COL5A3: variants seen among roughly 807,000 people sequenced by gnomAD.
The protein encoded by COL5A3 is collagen type V alpha 3 chain, also known as collagen alpha-3(V) chain.
A neutral mutation model predicts 250.0 loss-of-function variants in COL5A3; 172 were observed. The ratio of observed to expected loss-of-function variants is 0.69; its 90% CI spans 0.61 to 0.78. COL5A3 has a LOEUF of 0.78. Among genes scored for constraint, COL5A3 ranks in the 30% least tolerant of loss-of-function variants. COL5A3 has a pLI of 0.00. For synonymous variants in COL5A3, 937 were observed against 900.4 expected (o/e 1.04, Z -0.73); for missense variants, 2,340 against 2,334.4 (o/e 1.00, Z -0.05).
chr19:9,971,354 C>G lies in COL5A3; in HGVS notation c.3775-96G>C, dbSNP rs920701197. 3.2e-5 allele frequency: 30 copies of G among 942,206 alleles called. No individual in the cohort carries two copies. In the African/African-American group the frequency reaches 4.0e-4, roughly 12 times the overall value. 58.4% of individuals were successfully genotyped at this position (942,206 alleles called of 1,614,324 possible). ...ACTGTATCCAGGAACAGTTTGGTTT[C>G]TGGGGACACATTAGTGAACAAAACA... On this transcript the variant is annotated intron_variant, in intron 51 of 66. Transcript: ENST00000264828.
chr19:9,960,592 G>C, intron 66 of COL5A3, 35 bp from the exon 67 acceptor site: 1 of 1,613,650 alleles, frequency 6.2e-7, no homozygotes, highest in Non-Finnish European at 8.5e-7. Context: ...GTGAGTTACC[G>C]GGAAGGTGGC....
chr19:9,977,237 C>CT lies in COL5A3; in HGVS notation c.3279dup (p.Gly1094ArgfsTer42), dbSNP rs2086934964. 1 of 1,614,104 alleles carries CT rather than the reference C, an allele frequency of 6.2e-7. No individual in the cohort carries two copies. The highest frequency in any genetic ancestry group is 8.5e-7 in the Non-Finnish European group (1 of 1,180,002). ...TGGGGACCTTCACTCACCGCGTCTC[C>CT]TTTATCGCCTTTACTCCCCTTGTGT... On this transcript the variant is annotated frameshift_variant, in exon 44 of 67. Coordinates refer to ENST00000264828, the MANE Select transcript of COL5A3 (RefSeq NM_015719.4). LOFTEE classifies it high-confidence loss of function.
intron 44 of COL5A3, 75 bp downstream of exon 44, chr19:9,977,154 A>G: frequency 7.0e-7 from 1 of 1,422,010 alleles, no homozygotes; most frequent in Admixed American, 1.7e-5. Flanking sequence ...CCCATGGAGA[A>G]TGATCTCTAC....
intron 37 of COL5A3, 85 bp downstream of exon 37, chr19:9,979,754 C>G (rs1382723629): frequency 7.5e-7 from 1 of 1,329,464 alleles, no homozygotes; most frequent in African/African-American, 1.5e-5. Context: ...CCACTGCACT[C>G]TAGCCCAGGT....
At chr19:9,960,921 G>T in intron 65 of COL5A3, 31 bp from the exon 66 acceptor site, 1 of 1,597,678 alleles carries the variant, frequency 6.3e-7, no homozygotes, top group South Asian at 1.1e-5. Flanking sequence ...CAGAGGATGA[G>T]GGGCTCCATG....
At chr19:9,977,985 T>TATATATATATATATATATATATATA (rs2086949247) in intron 41 of COL5A3, among the ~76,000 whole-genome samples, 1 of 131,908 alleles carries the variant, frequency 7.6e-6, no homozygotes, top group Non-Finnish European at 1.7e-5. Flanking sequence ...TATATATATA[T>TATATATATATATATATATATATATA]TTGTAGAGAC....
rs780810469 is a variant in COL5A3 at position 9,966,435 on chromosome 19, G to A, written c.4670-9C>T. On this transcript the variant is annotated splice_polypyrimidine_tract_variant and intron_variant, in intron 63 of 66. Transcript: ENST00000264828. ...GTCAATCCAGTATTCCCCTGCCGCA[G>A]AGCCAGGCAGGGTGGGTGAGTCCGG... 5 of 1,587,752 alleles carry A rather than the reference G, an allele frequency of 3.1e-6. No individual in the cohort carries two copies. The highest frequency in any genetic ancestry group is 4.5e-5 in the East Asian group (2 of 44,468).
intron 40 of COL5A3, 38 bp downstream of exon 40, chr19:9,978,853 T>A: frequency 7.7e-7 from 1 of 1,296,080 alleles, no homozygotes; most frequent in Non-Finnish European, 1.0e-6. Flanking sequence ...CCTTTCCTTC[T>A]CTAAGGGACA....
In COL5A3 at chr19:9,993,027, T is replaced by C. The variant is rs768249143; in HGVS notation, c.1790A>G (p.Glu597Gly). Residue 597 changes from glutamate to glycine, a missense_variant, in exon 20 of 67, where the codon GAG becomes GGG. Coordinates refer to ENST00000264828, the MANE Select transcript of COL5A3 (RefSeq NM_015719.4). ...CCAGGGATCCCTGATACTCACCGGCTCCCCAGCCTGGCCAGTGGGCCCTGG... is the reference window on the plus strand; with the variant it reads ...CCAGGGATCCCTGATACTCACCGGCCCCCCAGCCTGGCCAGTGGGCCCTGG... ...GPPGPTGQAG[E>G]PGPRGLLGPR... 3.7e-6 allele frequency: 6 copies of C among 1,613,452 alleles called. No homozygotes were observed. In the African/African-American group the frequency reaches 6.7e-5, roughly 18 times the overall value.
intron 64 of COL5A3, among the ~76,000 whole-genome samples, chr19:9,965,937 G>A (rs1337859257): frequency 6.6e-6 from 1 of 151,936 alleles, no homozygotes; most frequent in Non-Finnish European, 1.5e-5. Flanking sequence ...GGGCTCAAAG[G>A]ATCCTCCCGC....
intron 16 of COL5A3, among the ~76,000 whole-genome samples, chr19:9,994,559 CATATATAT>C (rs57642882): frequency 0.011 from 808 of 70,560 alleles, 9 homozygotes; most frequent in South Asian, 0.035. Flanking sequence ...ATATGTTTTA[CATATATAT>C]ATATATATAT....
chr19:9,969,986 G>T (rs1028408777), intron 54 of COL5A3, 64 bp from the exon 55 acceptor site: 3 of 1,376,094 alleles, frequency 2.2e-6, no homozygotes, highest in Non-Finnish European at 3.1e-6. Context: ...GGTGAGTGGG[G>T]TCTGGGTGAC....
chr19:9,997,016 G>A, intron 11 of COL5A3: 2 of 519,140 alleles, frequency 3.9e-6, no homozygotes, highest in Non-Finnish European at 6.8e-6. Context: ...AGACAGAGAT[G>A]GAGAAATAGA....
chr19:9,995,205 G>A (rs772171148), intron 16 of COL5A3, among the ~76,000 whole-genome samples: 4 of 152,188 alleles, frequency 2.6e-5, no homozygotes, highest in African/African-American at 4.8e-5. Flanking sequence ...ACTGCGCGCA[G>A]CCAATCATCT....
At chr19:9,996,367 C>T in intron 13 of COL5A3, 66 bp downstream of exon 13, 2 of 1,579,082 alleles carry the variant, frequency 1.3e-6, no homozygotes, top group Non-Finnish European at 8.6e-7. Context: ...CTGCCCAGCC[C>T]CTCCTTACGC....
chr19:10,009,413 C>T lies in COL5A3; in HGVS notation c.88+885G>A, dbSNP rs2145153180. ...GTGCGTCAGCGCTGACTCACCCATC[C>T]GGCGGCCCCCGGGACCCCTTGGGGG... On this transcript the variant is annotated intron_variant, in intron 1 of 66. Transcript: ENST00000264828. This position sits in a 1 kb window ranked among gnomAD's most constrained non-coding sequence, Gnocchi z 4.4. Among the ~76,000 whole-genome samples, 1 of 149,686 alleles carries T rather than the reference C, an allele frequency of 6.7e-6. No individual in the cohort carries two copies. Among genetic ancestry groups the T allele is most frequent in the East Asian group, 2.1e-4 (1 of 4,872 alleles).
chr19:9,960,456 G>A lies in COL5A3; in HGVS notation c.5193C>T (p.Asn1731=). ...GGCCCAGTTCAAACCCAAACTTTTG[G>A]TTCGTCTGGCCAAAGTCAGTGGCCG... ...DVAATDFGQT[N]QKFGFELGPV... is the part of the protein sequence containing the mutation. Residue 1731 remains asparagine, a synonymous_variant, in exon 67 of 67, where the codon AAC becomes AAT. Coordinates refer to ENST00000264828, the MANE Select transcript of COL5A3 (RefSeq NM_015719.4). The A allele has an allele frequency of 6.2e-7, 1 of 1,614,160 alleles. No homozygotes were observed. Among genetic ancestry groups the A allele is most frequent in the South Asian group, 1.1e-5 (1 of 91,086 alleles).
At chr19:9,978,838 C>T (rs1312869790) in intron 40 of COL5A3, 53 bp downstream of exon 40, 22 of 1,260,364 alleles carry the variant, frequency 1.7e-5, no homozygotes, top group Non-Finnish European at 2.1e-5. Context: ...CCCTGACCCC[C>T]CCATCCTTTC....
intron 52 of COL5A3, 23 bp from the exon 53 acceptor site, chr19:9,971,051 T>C (rs764467056): frequency 6.7e-7 from 1 of 1,500,240 alleles, no homozygotes; most frequent in Non-Finnish European, 8.9e-7. Flanking sequence ...AAGACAGAGT[T>C]GGGAGGGGTG....
Sources: gnomAD v4.1 joint callset for allele counts (sites outside exome capture counted in the v4.1 genomes callset) on GRCh38, gnomAD v4.1.1 for gene constraint, Gnocchi (gnomAD v3.1) non-coding constraint, MANE v1.5 for transcripts, NCBI Gene and HGNC (gene_info 2026-07-23, HGNC 2026-07-21) for gene names.